The following ATP6V1A variants were observed in gnomAD, a reference collection of about 807,000 sequenced individuals.
The protein encoded by ATP6V1A is ATPase H+ transporting V1 subunit A.
In ATP6V1A, 18 loss-of-function variants were observed where a neutral mutation model predicts 70.1. The ratio of observed to expected loss-of-function variants is 0.26; its 90% CI spans 0.18 to 0.38. ATP6V1A has a LOEUF of 0.38. Ranked by LOEUF, ATP6V1A falls within the 10% of genes least tolerant of loss-of-function variation. ATP6V1A has a pLI of 1.00. For missense variants in ATP6V1A, 424 were observed against 772.4 expected, an observed-to-expected ratio of 0.55 and a Z score of 5.35; for synonymous variants, 232 against 253.8, an observed-to-expected ratio of 0.91 and a Z score of 0.82.
chr3:113,760,261 C>T (rs1449779422), intron 1 of ATP6V1A, among the ~76,000 whole-genome samples: 1 of 152,150 alleles, frequency 6.6e-6, no homozygotes, highest in Non-Finnish European at 1.5e-5. Flanking sequence ...TCTTAGGCAG[C>T]ATTCTTTTCT....
intron 1 of ATP6V1A, among the ~76,000 whole-genome samples, chr3:113,751,370 A>C (rs901339839): frequency 4.6e-5 from 7 of 151,820 alleles, no homozygotes; most frequent in African/African-American, 1.7e-4. Context: ...TATAGCTATC[A>C]TGAGTTTATG....
Position 113,795,306 on chromosome 3 carries a change from G to T in ATP6V1A, c.1226+102G>T, listed in dbSNP as rs531299034. 35 of 1,234,494 alleles carry T rather than the reference G, an allele frequency of 2.8e-5. No individual in the cohort carries two copies. The Admixed American group carries it at 3.6e-4, about 13-fold the overall frequency. The allele number at this position is 1,234,494 out of a possible 1,614,324, so 76.5% of individuals were successfully genotyped here. A position where few individuals can be genotyped will look rare whatever the true frequency, so the allele number is the denominator to read the frequency against. ...TTTAAAGAGAGAATATTTAGCTCCC[G>T]CTGGGAGCAGCGGTTCTTAAGGAGG... On this transcript the variant is annotated intron_variant, in intron 10 of 14. Transcript: ENST00000273398.
At chr3:113,782,524 T>C (rs1301096665) in intron 3 of ATP6V1A, among the ~76,000 whole-genome samples, 5 of 140,238 alleles carry the variant, frequency 3.6e-5, no homozygotes, top group African/African-American at 7.8e-5. Flanking sequence ...TTTCTTTCCT[T>C]TCTCTCTCTC....
chr3:113,782,513 TTTTC>T (rs1276785701), intron 3 of ATP6V1A, among the ~76,000 whole-genome samples: 2 of 146,544 alleles, frequency 1.4e-5, no homozygotes, highest in East Asian at 3.9e-4. Context: ...ATATTTGTAT[TTTTC>T]TTTCCTTTCT....
intron 10 of ATP6V1A, 103 bp downstream of exon 10, chr3:113,795,307 C>G: frequency 8.0e-7 from 1 of 1,242,386 alleles, no homozygotes; most frequent in Non-Finnish European, 1.1e-6. Flanking sequence ...TTAGCTCCCG[C>G]TGGGAGCAGC....
chr3:113,761,113 T>TC (rs1243826619), intron 1 of ATP6V1A, among the ~76,000 whole-genome samples: 1 of 151,662 alleles, frequency 6.6e-6, no homozygotes, highest in Non-Finnish European at 1.5e-5. Flanking sequence ...TTTTTTTTTT[T>TC]CTTTTTTTTT....
chr3:113,803,568 C>G lies in ATP6V1A; in HGVS notation c.1495-15C>G, dbSNP rs947533817. ...TTTTAGAGTAAATGTCTAAAAATAT[C>G]TTTTTCTCTTCTAGGCTTCTTTGGC... On this transcript the variant is annotated splice_polypyrimidine_tract_variant and intron_variant, in intron 12 of 14. Coordinates refer to ENST00000273398, the MANE Select transcript of ATP6V1A (RefSeq NM_001690.4). 21 of 1,566,564 alleles carry G rather than the reference C, an allele frequency of 1.3e-5. No individual in the cohort carries two copies. The highest frequency in any genetic ancestry group is 1.7e-5 in the Non-Finnish European group (20 of 1,146,160).
chr3:113,756,762 TTAA>T (rs758790574), intron 1 of ATP6V1A, among the ~76,000 whole-genome samples: 123 of 152,340 alleles, frequency 8.1e-4, no homozygotes, highest in Non-Finnish European at 1.6e-3. Flanking sequence ...GCTGTAATTG[TTAA>T]TAATTGTGAA....
chr3:113,805,345 T>C lies in ATP6V1A; in HGVS notation c.1590-9T>C. ...TTTTGTTAATTTTTTGGACCTTCAT[T>C]TATTCTAGGTTCTGCCCATTCTACA... On this transcript the variant is annotated splice_polypyrimidine_tract_variant and intron_variant, in intron 13 of 14. Transcript: ENST00000273398. The C allele has an allele frequency of 6.2e-7, 1 of 1,610,974 alleles. No homozygotes were observed. Among genetic ancestry groups the C allele is most frequent in the Non-Finnish European group, 8.5e-7 (1 of 1,179,188 alleles).
Position 113,789,769 on chromosome 3 carries a change from T to A in ATP6V1A, c.917T>A (p.Met306Lys). 1 of 1,613,164 alleles carries A rather than the reference T, an allele frequency of 6.2e-7. No homozygotes were observed. The highest frequency in any genetic ancestry group is 8.5e-7 in the Non-Finnish European group (1 of 1,179,154). Residue 306 changes from methionine to lysine, a missense_variant, in exon 8 of 15, where the codon ATG becomes AAG. Physicochemically the swap from Met to Lys is moderately conservative, Grantham distance 95. Transcript: ENST00000273398. ...MEVDGKVESI[M>K]KRTALVANTS... ...GTTGATGGTAAGGTAGAGTCAATTA[T>A]GAAGAGGACAGCTTTGGTAGCCAAT...
intron 8 of ATP6V1A, among the ~76,000 whole-genome samples, chr3:113,790,646 A>G (rs1422478504): frequency 6.6e-6 from 1 of 152,180 alleles, no homozygotes; most frequent in Admixed American, 6.5e-5. Flanking sequence ...TAAAGCCAAT[A>G]TTTGAATTAG....
chr3:113,775,389 C>T (rs1055209137), intron 1 of ATP6V1A, among the ~76,000 whole-genome samples: 2 of 151,974 alleles, frequency 1.3e-5, no homozygotes, highest in Non-Finnish European at 2.9e-5. Flanking sequence ...ACCACCACAC[C>T]CAGCTAATTT....
At chr3:113,770,843 C>T (rs1708831137) in intron 1 of ATP6V1A, among the ~76,000 whole-genome samples, 1 of 151,706 alleles carries the variant, frequency 6.6e-6, no homozygotes, top group African/African-American at 2.4e-5. Context: ...GCCTGTTATC[C>T]CAGTACTTTG....
At chr3:113,762,367 G>A (rs1270039665) in intron 1 of ATP6V1A, among the ~76,000 whole-genome samples, 2 of 152,098 alleles carry the variant, frequency 1.3e-5, no homozygotes, top group Admixed American at 6.6e-5. Flanking sequence ...TCAGGAGTTC[G>A]AGACAAGCCT....
chr3:113,778,225 C>T (rs912840789), intron 1 of ATP6V1A, among the ~76,000 whole-genome samples: 1 of 152,154 alleles, frequency 6.6e-6, no homozygotes, highest in East Asian at 1.9e-4. Context: ...AAAACCCTGT[C>T]TCTACTAAAA....
At chr3:113,781,217 T>A (rs1238212181) in intron 3 of ATP6V1A, 39 bp downstream of exon 3, 1 of 1,574,646 alleles carries the variant, frequency 6.4e-7, no homozygotes, top group Non-Finnish European at 8.6e-7. Flanking sequence ...CTTTCTATAT[T>A]TCAAAATTTA....
chr3:113,786,750 A>C (rs888676353), intron 6 of ATP6V1A, among the ~76,000 whole-genome samples: 5 of 151,858 alleles, frequency 3.3e-5, no homozygotes, highest in Admixed American at 3.3e-4. Context: ...TACCAAAACA[A>C]TGTAACTCTG....
intron 5 of ATP6V1A, among the ~76,000 whole-genome samples, chr3:113,785,506 C>CCTTTTTT (rs1392170740): frequency 2.3e-4 from 25 of 107,174 alleles, no homozygotes; most frequent in Middle Eastern, 5.0e-3. Context: ...TTTTTCTTTT[C>CCTTTTTT]TTTTTTTTTT....
intron 1 of ATP6V1A, among the ~76,000 whole-genome samples, chr3:113,763,684 A>C (rs547824326): frequency 6.6e-6 from 1 of 152,168 alleles, no homozygotes; most frequent in East Asian, 1.9e-4. Flanking sequence ...TTTCTAGGAC[A>C]TTTTTCTCCC....
Sources: gnomAD v4.1 joint callset for allele counts (sites outside exome capture counted in the v4.1 genomes callset) on GRCh38, gnomAD v4.1.1 for gene constraint, MANE v1.5 for transcripts, NCBI Gene and HGNC (gene_info 2026-07-23, HGNC 2026-07-21) for gene names.